Variants in RBFOX1 observed in about 807,000 individuals in gnomAD.
RBFOX1 encodes the protein RNA binding fox-1 homolog 1, also known as RNA binding protein fox-1 homolog 1.
Under a neutral mutation model 57.7 loss-of-function variants are expected in RBFOX1, and 8 were observed. That is an observed-to-expected ratio of 0.14 (90% CI 0.08 to 0.25). RBFOX1 has a LOEUF of 0.25. RBFOX1 is among the 10% of genes least tolerant of loss of function. The pLI, the probability that RBFOX1 is intolerant of heterozygous loss-of-function variation, is 1.00. For synonymous variants in RBFOX1, 326 were observed against 222.4 expected, an observed-to-expected ratio of 1.47 and a Z score of -4.15; for missense variants, 611 against 548.5, an observed-to-expected ratio of 1.11 and a Z score of -1.14.
At chr16:5,266,543 G>A (rs1440017979) in intron 1 of RBFOX1, among the ~76,000 whole-genome samples, 1 of 100,934 alleles carries the variant, frequency 9.9e-6, no homozygotes, top group Non-Finnish European at 1.9e-5. Flanking sequence ...ATATGGAAAT[G>A]TTCAGTTTTT....
intron 4 of RBFOX1, among the ~76,000 whole-genome samples, chr16:7,463,461 G>T (rs145151892): frequency 6.6e-6 from 1 of 152,148 alleles, no homozygotes; most frequent in African/African-American, 2.4e-5. Context: ...CCAAGATTGC[G>T]TCACTGCGTT....
In RBFOX1 at chr16:6,419,932, A is replaced by G. The variant is rs569603599; in HGVS notation, c.-64+102875A>G. On this transcript the variant is annotated intron_variant, in intron 2 of 15. Transcript: ENST00000550418. ...ACTTGTTTAATGCACGGAGAGTCAA[A>G]GACATGCTGCAGGCCCCCCCATCCC... 2.0e-5 allele frequency among the ~76,000 whole-genome samples: 3 copies of G among 152,284 alleles called. No individual in the cohort carries two copies. The East Asian group carries it at 5.8e-4, about 29-fold the overall frequency.
At chr16:6,005,612 G>A (rs2060679747) in intron 4 of RBFOX1, among the ~76,000 whole-genome samples, 1 of 152,160 alleles carries the variant, frequency 6.6e-6, no homozygotes, top group Admixed American at 6.6e-5. Flanking sequence ...AGCCTCCCTG[G>A]CCTCTACCCA....
At chr16:7,354,233 A>G (rs542652991) in intron 4 of RBFOX1, among the ~76,000 whole-genome samples, 80 of 152,246 alleles carry the variant, frequency 5.3e-4, no homozygotes, top group Non-Finnish European at 9.9e-4. Flanking sequence ...GGCCTCCCAC[A>G]CTGCTGCGAT....
rs187044331 is a variant in RBFOX1 at position 6,828,838 on chromosome 16, C to T, written c.-16+174188C>T. Among the ~76,000 whole-genome samples, 268 of 152,182 alleles carry T rather than the reference C, an allele frequency of 1.8e-3. 1 individual carries two copies. Among genetic ancestry groups the T allele is most frequent in the African/African-American group, 5.7e-3 (235 of 41,516 alleles). The stretch of plus-strand genomic sequence containing the variant: ...CATCACAATTCTAAGAAATTTCCAC[C>T]CTTTCCCAGGAATTTTCATAAGTAT... On this transcript the variant is annotated intron_variant, in intron 3 of 15. Transcript: ENST00000550418.
chr16:5,903,075 G>C (rs536094724), intron 4 of RBFOX1, among the ~76,000 whole-genome samples: 17 of 152,168 alleles, frequency 1.1e-4, no homozygotes, highest in African/African-American at 3.6e-4. Context: ...CCGACTTACT[G>C]TTTGTATTAG....
At chr16:5,784,592 C>A (rs1011687640) in intron 3 of RBFOX1, among the ~76,000 whole-genome samples, 5 of 152,114 alleles carry the variant, frequency 3.3e-5, no homozygotes, top group African/African-American at 9.7e-5. Flanking sequence ...AGAATTCCAT[C>A]CCCATGATTC....
chr16:6,133,779 C>A (rs2096646570), intron 1 of RBFOX1, among the ~76,000 whole-genome samples: 1 of 152,068 alleles, frequency 6.6e-6, no homozygotes, highest in Admixed American at 6.6e-5. Flanking sequence ...TCTATCCTGC[C>A]ACAGGGTCTT....
chr16:6,824,046 C>G (rs1329834391), intron 3 of RBFOX1, among the ~76,000 whole-genome samples: 1 of 152,106 alleles, frequency 6.6e-6, no homozygotes, highest in East Asian at 1.9e-4. Context: ...ATCTGGATTT[C>G]CATATCTTTG....
chr16:6,979,167 A>G (rs1944986154), intron 3 of RBFOX1, among the ~76,000 whole-genome samples: 1 of 152,202 alleles, frequency 6.6e-6, no homozygotes, highest in Non-Finnish European at 1.5e-5. Flanking sequence ...TCTAGTGTTG[A>G]TAGTATTCAG....
At chr16:6,924,169 A>AAATAATAAT (rs34239520) in intron 3 of RBFOX1, among the ~76,000 whole-genome samples, 11,541 of 146,590 alleles carry the variant, frequency 0.079, 616 homozygotes, top group Non-Finnish European at 0.11. Flanking sequence ...TCTGTCTCAA[A>AAATAATAAT]AATAATAATA....
At chr16:7,424,016 T>G (rs556477840) in intron 4 of RBFOX1, among the ~76,000 whole-genome samples, 1 of 152,338 alleles carries the variant, frequency 6.6e-6, no homozygotes, top group Non-Finnish European at 1.5e-5. Context: ...TTAATTGTTC[T>G]GTCTATTTAT....
chr16:7,696,117 T>C (rs530168996), intron 14 of RBFOX1, among the ~76,000 whole-genome samples: 20 of 152,344 alleles, frequency 1.3e-4, no homozygotes, highest in Non-Finnish European at 2.5e-4. Flanking sequence ...CCACATGGAA[T>C]AGGCATTTTT....
intron 4 of RBFOX1, among the ~76,000 whole-genome samples, chr16:7,302,859 A>G (rs1455061206): frequency 6.6e-6 from 1 of 152,110 alleles, no homozygotes; most frequent in African/African-American, 2.4e-5. Context: ...ACTAATGAAT[A>G]ATTATTACTT....
intron 4 of RBFOX1, among the ~76,000 whole-genome samples, chr16:7,203,366 G>T (rs1309002271): frequency 6.6e-6 from 1 of 152,200 alleles, no homozygotes; most frequent in Non-Finnish European, 1.5e-5. Flanking sequence ...AATGGTGGTG[G>T]CTGGTGGAGA....
chr16:7,401,669 G>A (rs973523950), intron 4 of RBFOX1, among the ~76,000 whole-genome samples: 5 of 152,162 alleles, frequency 3.3e-5, no homozygotes, highest in African/African-American at 1.2e-4. Context: ...TCAAGTAGAG[G>A]AAAACAGTGT....
rs189770949 is a variant in RBFOX1 at position 7,038,558 on chromosome 16, G to A, written c.-15-13499G>A. ...AAGGTATCAGATGCCAAGACATTTCGTGGTTTAGCTTGTAAAGGTGCTTAC... is the reference window on the plus strand; with the variant it reads ...AAGGTATCAGATGCCAAGACATTTCATGGTTTAGCTTGTAAAGGTGCTTAC... On this transcript the variant is annotated intron_variant, in intron 3 of 15. Coordinates refer to ENST00000550418, the MANE Select transcript of RBFOX1 (RefSeq NM_018723.4). Among the ~76,000 whole-genome samples, 92 of 152,248 alleles carry A rather than the reference G, an allele frequency of 6.0e-4. 1 individual carries two copies. The highest frequency in any genetic ancestry group is 1.8e-3 in the African/African-American group (76 of 41,540).
intron 5 of RBFOX1, among the ~76,000 whole-genome samples, chr16:7,556,058 C>G (rs1053992354): frequency 7.9e-5 from 12 of 152,270 alleles, no homozygotes; most frequent in Non-Finnish European, 1.6e-4. Flanking sequence ...TTTTATACTA[C>G]AAGAAAGTAA....
intron 4 of RBFOX1, among the ~76,000 whole-genome samples, chr16:5,924,167 C>T (rs2058894197): frequency 6.6e-6 from 1 of 152,228 alleles, no homozygotes; most frequent in East Asian, 1.9e-4. Context: ...TGCCTTCTGC[C>T]ATTATTGTAA....
Sources: gnomAD v4.1 joint callset for allele counts (sites outside exome capture counted in the v4.1 genomes callset) on GRCh38, gnomAD v4.1.1 for gene constraint, MANE v1.5 for transcripts, NCBI Gene and HGNC (gene_info 2026-07-23, HGNC 2026-07-21) for gene names.